VRTN: variants seen among roughly 807,000 people sequenced by gnomAD.
VRTN encodes vertebrae development associated.
In VRTN, 5 loss-of-function variants were observed where a neutral mutation model predicts 18.2. The ratio of observed to expected loss-of-function variants is 0.27; its 90% CI spans 0.14 to 0.58. VRTN has a LOEUF of 0.58. VRTN is among the 20% of genes least tolerant of loss of function. The probability of loss-of-function intolerance (pLI) is 0.91; values close to 1 mark genes in which losing one functional copy is unlikely to be tolerated. For missense variants in VRTN, 741 were observed against 939.4 expected (o/e 0.79, Z 2.76); for synonymous variants, 381 against 393.7 (o/e 0.97, Z 0.38).
At chr14:74,356,212 C>T (rs1025565224) in intron 1 of VRTN, among the ~76,000 whole-genome samples, 5 of 151,350 alleles carry the variant, frequency 3.3e-5, no homozygotes, top group East Asian at 2.0e-4. Context: ...TGGAGACAGT[C>T]TCACTTTGTT....
In VRTN at chr14:74,356,825, G is replaced by T. The variant is rs2085730637; in HGVS notation, c.42G>T (p.Glu14Asp). The change falls in exon 2 of 2, where the codon GAG becomes GAT. Residue 14 changes from glutamate (E) to aspartate (D), a missense_variant. Physicochemically the swap from Glu to Asp is conservative, Grantham distance 45. This residue lies in a region of VRTN where 186 missense variants were observed against 288.3 expected (regional missense o/e 0.65). Transcript: ENST00000256362. ...RNQLVQKVLQ[E>D]LQEAVECEGL... The stretch of plus-strand genomic sequence containing the variant: ...AGCTGGTGCAGAAGGTGCTGCAGGA[G>T]CTGCAGGAAGCAGTGGAGTGCGAAG... 3 of 1,609,834 alleles carry T rather than the reference G, an allele frequency of 1.9e-6. No individual in the cohort carries two copies. Among genetic ancestry groups the T allele is most frequent in the Non-Finnish European group, 2.5e-6 (3 of 1,177,946 alleles).
chr14:74,346,624 C>T (rs1219144301), upstream of VRTN, among the ~76,000 whole-genome samples: 1 of 152,088 alleles, frequency 6.6e-6, no homozygotes, highest in Non-Finnish European at 1.5e-5. Context: ...GAATGCTTAA[C>T]TTGTGTAATT....
chr14:74,344,950 C>A (rs990445552), upstream of VRTN, among the ~76,000 whole-genome samples: 1 of 152,052 alleles, frequency 6.6e-6, no homozygotes, highest in Non-Finnish European at 1.5e-5. Context: ...TGGAGTGATG[C>A]ACTAGAAACA....
chr14:74,318,306 T>C (rs2085430708), intron 1 of VRTN, among the ~76,000 whole-genome samples: 1 of 150,422 alleles, frequency 6.6e-6, no homozygotes, highest in Non-Finnish European at 1.5e-5. Flanking sequence ...TTTCGCTCTT[T>C]GTTGCCCAGG....
At chr14:74,331,590 A>G (rs1302429451) in intron 1 of VRTN, among the ~76,000 whole-genome samples, 2 of 128,282 alleles carry the variant, frequency 1.6e-5, no homozygotes, top group Admixed American at 8.1e-5. Flanking sequence ...ATATATATAT[A>G]CAAAAAAGAA....
In VRTN at chr14:74,357,411, C is replaced by T. The variant is rs760738333; in HGVS notation, c.628C>T (p.Arg210Cys). 22 of 1,612,938 alleles carry T rather than the reference C, an allele frequency of 1.4e-5. 1 individual carries two copies. In the South Asian group the frequency reaches 1.4e-4, roughly 10 times the overall value. Residue 210 changes from arginine to cysteine, a missense_variant, in exon 2 of 2, where the codon CGC (arginine) becomes TGC (cysteine). By Grantham distance (180) the Arg-to-Cys change is radical. Around this residue, in one of 3 missense-constraint regions of VRTN, gnomAD observed 186 missense variants for 288.3 expected, o/e 0.65. Coordinates refer to ENST00000256362, the MANE Select transcript of VRTN (RefSeq NM_018228.3). This position sits in a 1 kb window ranked among gnomAD's most constrained non-coding sequence, Gnocchi z 7.8. The stretch of plus-strand genomic sequence containing the variant: ...CTTCAACCGTGTCATCCGGCCCCGC[C>T]GCTGCGACCACGTGCCCTCCACGCT... ...PYFNRVIRPR[R>C]CDHVPSTLHI... is the part of the protein sequence containing the mutation.
chr14:74,306,161 TATATATATA>T lies in VRTN; in HGVS notation c.-164+2986_-164+2994del, dbSNP rs1195260623. 58 of 70,996 alleles carry T rather than the reference TATATATATA, an allele frequency of 8.2e-4. 1 individual carries two copies. The highest frequency in any genetic ancestry group is 1.8e-3 in the African/African-American group (29 of 15,710). 4.4% of individuals were successfully genotyped at this position (70,996 alleles called of 1,614,324 possible). On this transcript the variant is annotated intron_variant, in intron 1 of 2. Transcript: ENST00000557177. ...AAAAATATACATATATATATATATA[TATATATATA>T]TATTTTTTTTTTTTTTTTGAGACAG...
chr14:74,304,606 G>T (rs757303054), intron 1 of VRTN, among the ~76,000 whole-genome samples: 1 of 152,194 alleles, frequency 6.6e-6, no homozygotes, highest in East Asian at 1.9e-4. Flanking sequence ...AGGCCTCTAC[G>T]CACTAGATGC....
chr14:74,303,964 G>A (rs562002973), intron 1 of VRTN, among the ~76,000 whole-genome samples: 10 of 147,850 alleles, frequency 6.8e-5, no homozygotes, highest in Admixed American at 6.4e-4. Context: ...CCATCCTCCT[G>A]CCTCAGCCTC....
At position 74,308,252 on chromosome 14, in the gene VRTN, CA is replaced by C. The variant is rs1289274829; in HGVS notation, c.-164+5083del. On this transcript the variant is annotated intron_variant, in intron 1 of 2. Coordinates refer to the VRTN transcript ENST00000557177. ...CAACATAGCTAGACCCCCATCTCTA[CA>C]AAAAAAGAAAAAAATTGGGATCCAA... Among the ~76,000 whole-genome samples, 4 of 151,634 alleles carry C rather than the reference CA, an allele frequency of 2.6e-5. No individual in the cohort carries two copies. The South Asian group carries it at 8.3e-4, about 32-fold the overall frequency.
chr14:74,319,037 G>A (rs563382141), intron 1 of VRTN, among the ~76,000 whole-genome samples: 2 of 149,320 alleles, frequency 1.3e-5, no homozygotes, highest in Non-Finnish European at 3.0e-5. Context: ...TTTGTTGTTT[G>A]TTTGTTTTGA....
chr14:74,351,977 G>A (rs2085688313), intron 1 of VRTN, among the ~76,000 whole-genome samples: 2 of 151,932 alleles, frequency 1.3e-5, no homozygotes, highest in South Asian at 4.1e-4. Context: ...CCGAGTAGCT[G>A]GGACTACAGG....
intron 1 of VRTN, among the ~76,000 whole-genome samples, chr14:74,306,769 GTT>G (rs879942939): frequency 5.6e-5 from 8 of 142,744 alleles, no homozygotes; most frequent in African/African-American, 2.0e-4. Context: ...TAATTTTTAA[GTT>G]TTTTTTTTTT....
chr14:74,321,942 G>T (rs2140197173), intron 1 of VRTN, among the ~76,000 whole-genome samples: 1 of 152,276 alleles, frequency 6.6e-6, no homozygotes, highest in African/African-American at 2.4e-5. Flanking sequence ...CCGGGTTTGA[G>T]CGATTTTCCT....
chr14:74,347,788 G>C (rs546956549), upstream of VRTN, among the ~76,000 whole-genome samples: 1 of 152,340 alleles, frequency 6.6e-6, no homozygotes, highest in South Asian at 2.1e-4. Flanking sequence ...CCACCTTTCA[G>C]TGGGGCTCAG....
intron 1 of VRTN, among the ~76,000 whole-genome samples, chr14:74,326,765 A>G (rs1355217574): frequency 6.7e-6 from 1 of 150,332 alleles, no homozygotes; most frequent in Non-Finnish European, 1.5e-5. Flanking sequence ...CATCTTTTAC[A>G]GCCTTCCCAC....
At chr14:74,339,614 G>A (rs1453964582) in intron 2 of VRTN, among the ~76,000 whole-genome samples, 1 of 152,138 alleles carries the variant, frequency 6.6e-6, no homozygotes, top group Admixed American at 6.6e-5. Context: ...AGGAGTTCTA[G>A]AGCAGGCTGG....
chr14:74,332,093 A>G (rs1034321901), intron 1 of VRTN, among the ~76,000 whole-genome samples: 3 of 151,344 alleles, frequency 2.0e-5, no homozygotes, highest in Admixed American at 6.6e-5. Context: ...ACACCATGGG[A>G]AAAAAAAGGA....
At chr14:74,330,033 G>A (rs1328924579) in intron 1 of VRTN, among the ~76,000 whole-genome samples, 2 of 151,760 alleles carry the variant, frequency 1.3e-5, no homozygotes, top group African/African-American at 4.8e-5. Flanking sequence ...CACCATGCCC[G>A]GCTAGTTTTT....
Sources: gnomAD v4.1 joint callset for allele counts (sites outside exome capture counted in the v4.1 genomes callset) on GRCh38, gnomAD v4.1.1 for gene constraint, gnomAD v4.1.1 regional missense constraint, Gnocchi (gnomAD v3.1) non-coding constraint, MANE v1.5 for transcripts, NCBI Gene and HGNC (gene_info 2026-07-23, HGNC 2026-07-21) for gene names.